TMEM267: variants seen among roughly 807,000 people sequenced by gnomAD.
The protein encoded by TMEM267 is transmembrane protein C5orf28.
In TMEM267, 20 loss-of-function variants were observed where a neutral mutation model predicts 19.3. The observed-to-expected ratio is 1.04, with a 90% confidence interval of 0.73 to 1.51. The LOEUF (loss-of-function observed/expected upper bound fraction) is 1.51. Ranked by LOEUF, TMEM267 falls within the 40% of genes most tolerant of loss-of-function variation. The probability of loss-of-function intolerance (pLI) is 0.00; values close to 1 mark genes in which losing one functional copy is unlikely to be tolerated. For missense variants in TMEM267, 242 were observed against 261.9 expected (o/e 0.92, Z 0.52); for synonymous variants, 88 against 90.3 (o/e 0.97, Z 0.15).
chr5:43,474,641 C>A (rs776874527), intron 1 of TMEM267, among the ~76,000 whole-genome samples: 12 of 151,952 alleles, frequency 7.9e-5, no homozygotes, highest in Non-Finnish European at 1.5e-4. Context: ...TGCTTGTAAT[C>A]CCGGCTACTC....
intron 2 of TMEM267, among the ~76,000 whole-genome samples, chr5:43,452,585 T>TAAAAAAAAAAAAAAA (rs35189144): frequency 8.1e-6 from 1 of 123,896 alleles, no homozygotes; most frequent in Non-Finnish European, 1.8e-5. Flanking sequence ...CCTAAATCCA[T>TAAAAAAAAAAAAAAA]AAAAAAAAAA....
In TMEM267 at chr5:43,460,399, A is replaced by G. The variant is rs192017022; in HGVS notation, c.-74-6356T>C. On this transcript the variant is annotated intron_variant, in intron 1 of 2. Transcript: ENST00000397080. ...TTGAATTAGGGAGGCAGAGCAAAAT[A>G]GCAGAATAGAAGCCTCCACCAATCA... is the stretch of plus-strand genomic sequence containing the variant. Among the ~76,000 whole-genome samples, 502 of 152,278 alleles carry G rather than the reference A, an allele frequency of 3.3e-3. 4 individuals carry two copies. The highest frequency in any genetic ancestry group is 4.8e-3 in the Non-Finnish European group (327 of 68,026).
intron 1 of TMEM267, chr5:43,479,816 G>A: frequency 2.5e-6 from 1 of 407,180 alleles, no homozygotes; most frequent in Non-Finnish European, 4.7e-6. Context: ...GATTCTTCCA[G>A]GATCTGGAAA....
intron 2 of TMEM267, among the ~76,000 whole-genome samples, chr5:43,449,743 A>G (rs1237491280): frequency 1.3e-5 from 2 of 152,226 alleles, no homozygotes; most frequent in African/African-American, 4.8e-5. Context: ...AACTGATTGG[A>G]AAGACTGGAG....
chr5:43,455,798 C>T (rs562117675), intron 1 of TMEM267, among the ~76,000 whole-genome samples: 1 of 152,150 alleles, frequency 6.6e-6, no homozygotes, highest in Admixed American at 6.5e-5. Context: ...AGTGATCCAC[C>T]CACCTCAGCC....
chr5:43,456,410 C>CCAT (rs1387375502), intron 1 of TMEM267, among the ~76,000 whole-genome samples: 1 of 132,102 alleles, frequency 7.6e-6, no homozygotes, highest in East Asian at 2.0e-4. Flanking sequence ...AAAGCTTGAT[C>CCAT]CATTAAAAAA....
At chr5:43,470,559 G>A (rs34096155) in intron 1 of TMEM267, among the ~76,000 whole-genome samples, 2,108 of 152,194 alleles carry the variant, frequency 0.014, 57 homozygotes, top group East Asian at 0.13. Flanking sequence ...GCTGTGTCAC[G>A]GGCACATCCT....
At chr5:43,449,800 G>A (rs1742472140) in intron 2 of TMEM267, among the ~76,000 whole-genome samples, 1 of 152,140 alleles carries the variant, frequency 6.6e-6, no homozygotes, top group Admixed American at 6.5e-5. Context: ...TGGGATTAAG[G>A]AGCCTATGGT....
At chr5:43,473,284 G>T (rs945462750) in intron 1 of TMEM267, among the ~76,000 whole-genome samples, 2 of 151,962 alleles carry the variant, frequency 1.3e-5, no homozygotes, top group African/African-American at 4.8e-5. Context: ...AGAAATAAAG[G>T]GTATTCAATT....
At chr5:43,477,067 T>C (rs1426869542) in intron 1 of TMEM267, among the ~76,000 whole-genome samples, 1 of 150,128 alleles carries the variant, frequency 6.7e-6, no homozygotes, top group Non-Finnish European at 1.5e-5. Flanking sequence ...TGTACACCTG[T>C]AGTCCTAGTT....
upstream of TMEM267, chr5:43,483,955 G>C (rs1205868649): frequency 6.6e-6 from 1 of 152,268 alleles, no homozygotes; most frequent in Non-Finnish European, 1.5e-5. Context: ...CCGGGATACT[G>C]GCCAGCTCCA....
chr5:43,479,661 T>C (rs910602653), intron 1 of TMEM267, among the ~76,000 whole-genome samples: 3 of 152,142 alleles, frequency 2.0e-5, no homozygotes, highest in African/African-American at 7.2e-5. Context: ...AAATAACTTA[T>C]GCAGATTCCT....
intron 1 of TMEM267, among the ~76,000 whole-genome samples, chr5:43,475,844 A>C (rs1744386071): frequency 6.6e-6 from 1 of 152,224 alleles, no homozygotes; most frequent in African/African-American, 2.4e-5. Flanking sequence ...GCCAAGAATT[A>C]AAATAGCAAG....
At chr5:43,472,970 T>G (rs1744176934) in intron 1 of TMEM267, among the ~76,000 whole-genome samples, 1 of 151,598 alleles carries the variant, frequency 6.6e-6, no homozygotes, top group South Asian at 2.1e-4. Context: ...AAACCCTGTC[T>G]CTACAAAAAA....
intron 1 of TMEM267, among the ~76,000 whole-genome samples, chr5:43,478,545 T>A (rs988986076): frequency 6.6e-6 from 1 of 152,198 alleles, no homozygotes; most frequent in Non-Finnish European, 1.5e-5. Flanking sequence ...AAATTATTTT[T>A]AAAAATCTGA....
chr5:43,476,930 A>C (rs1744460969), intron 1 of TMEM267, among the ~76,000 whole-genome samples: 1 of 151,184 alleles, frequency 6.6e-6, no homozygotes, highest in African/African-American at 2.4e-5. Context: ...GGTAGCTCCC[A>C]CCTGTAATCC....
At chr5:43,468,125 G>A (rs185860864) in intron 1 of TMEM267, among the ~76,000 whole-genome samples, 12 of 151,710 alleles carry the variant, frequency 7.9e-5, no homozygotes, top group African/African-American at 2.9e-4. Context: ...GAAGGGGAGT[G>A]GGGGGGCGGG....
chr5:43,448,905 A>T (rs1450512783), intron 2 of TMEM267, among the ~76,000 whole-genome samples: 3 of 152,090 alleles, frequency 2.0e-5, no homozygotes, highest in Non-Finnish European at 4.4e-5. Flanking sequence ...ACTCCAAAGT[A>T]CGTTAAATCT....
chr5:43,464,663 C>T (rs933687473), intron 1 of TMEM267, among the ~76,000 whole-genome samples: 3 of 152,252 alleles, frequency 2.0e-5, no homozygotes, highest in African/African-American at 7.2e-5. Context: ...ATATCTACAA[C>T]CATCTGATCT....
Sources: allele counts gnomAD v4.1 joint callset (sites outside exome capture counted in the v4.1 genomes callset), GRCh38; gene constraint gnomAD v4.1.1; transcripts MANE v1.5; gene names NCBI Gene and HGNC (gene_info 2026-07-23, HGNC 2026-07-21).